CCNP: variants seen among roughly 807,000 people sequenced by gnomAD.
CCNP encodes the protein cyclin-P.
Under a neutral mutation model 19.6 loss-of-function variants are expected in CCNP, and 18 were observed. The ratio of observed to expected loss-of-function variants is 0.92; its 90% confidence interval spans 0.64 to 1.36. CCNP has a LOEUF of 1.36. CCNP is among the 40% of genes most tolerant of loss of function. The probability of loss-of-function intolerance (pLI) is 0.00; values close to 1 mark genes in which losing one functional copy is unlikely to be tolerated. For synonymous variants in CCNP, 228 were observed against 194.9 expected (o/e 1.17, Z -1.41); for missense variants, 440 against 424.4 (o/e 1.04, Z -0.32).
chr19:40,222,797 C>A lies in CCNP; in HGVS notation c.*255G>T. 1 of 448,702 alleles carries A rather than the reference C, an allele frequency of 2.2e-6. No individual in the cohort carries two copies. The highest frequency in any genetic ancestry group is 5.3e-5 in the South Asian group (1 of 18,860). 27.8% of individuals were successfully genotyped at this position (448,702 alleles called of 1,614,324 possible). A position where few individuals can be genotyped will look rare whatever the true frequency, so the allele number is the denominator to read the frequency against. On this transcript the variant is annotated 3_prime_UTR_variant, in exon 5 of 5. Coordinates refer to ENST00000430325, the MANE Select transcript of CCNP (RefSeq NM_024877.4). ...TGAGGGAAACCATGGTTCGCCCTGC[C>A]ACCTGGTAGCATGGTTAGCGGCCCT...
At position 40,226,617 on chromosome 19, in the gene CCNP, C is replaced by T. The variant is rs1028033399; in HGVS notation, c.25G>A (p.Gly9Arg). 1.3e-6 allele frequency: 2 copies of T among 1,578,850 alleles called. No homozygotes were observed. The highest frequency in any genetic ancestry group is 1.4e-5 in the African/African-American group (1 of 74,042). Reference protein sequence around the residue: MLVRGRDQGSGSRLGPIVR... With the variant: MLVRGRDQRSGSRLGPIVR... The stretch of plus-strand genomic sequence containing the variant: ...ATAGGCCCGAGCCGGGAGCCGGACC[C>T]CTGGTCCCTGCCTCTCACCAGCATC... Residue 9 changes from glycine (G) to arginine (R), a missense_variant, in exon 1 of 5, where the codon GGG becomes AGG. Physicochemically the swap from Gly to Arg is moderately radical, Grantham distance 125. Transcript: ENST00000430325.
chr19:40,224,807 C>T lies in CCNP; in HGVS notation c.272G>A (p.Cys91Tyr). 1 of 1,551,774 alleles carries T rather than the reference C, an allele frequency of 6.4e-7. No homozygotes were observed. Residue 91 changes from cysteine to tyrosine, a missense_variant, in exon 2 of 5, where the codon TGC (cysteine) becomes TAC (tyrosine). Cys to Tyr is a radical substitution (Grantham distance 194, BLOSUM62 -2). Coordinates refer to ENST00000430325, the MANE Select transcript of CCNP (RefSeq NM_024877.4). ...CAGGGCTCTCAGGGGCAGCACGCGG[C>T]ACACCTGGGGTTGGGGCAGGGACGC... The part of the protein sequence containing the change: ...AGDIFAEVMV[C>Y]RVLPLRALPR...
rs750021986 is a variant in CCNP at position 40,223,008 on chromosome 19, C to A, written c.*44G>T. Reference sequence around the variant, plus strand: ...ACTAATGGGGTCCTCCCACCCCATTCTCTCCCACACCCAGAAAAATCAAGT... The same window carrying A: ...ACTAATGGGGTCCTCCCACCCCATTATCTCCCACACCCAGAAAAATCAAGT... On this transcript the variant is annotated 3_prime_UTR_variant, in exon 5 of 5. Coordinates refer to ENST00000430325, the MANE Select transcript of CCNP (RefSeq NM_024877.4). 1.5e-5 allele frequency: 18 copies of A among 1,186,994 alleles called. No individual in the cohort carries two copies. The highest frequency in any genetic ancestry group is 2.2e-5 in the Non-Finnish European group (18 of 837,130). The allele number at this position is 1,186,994 out of a possible 1,614,324, so 73.5% of individuals were successfully genotyped here. A position where few individuals can be genotyped will look rare whatever the true frequency, so the allele number is the denominator to read the frequency against.
At chr19:40,224,848 T>A in intron 1 of CCNP, 37 bp from the exon 2 acceptor site, 1 of 1,510,336 alleles carries the variant, frequency 6.6e-7, no homozygotes, top group South Asian at 1.2e-5. Flanking sequence ...TCTCCACACC[T>A]GTGCCTCTGC....
chr19:40,224,816 G>A lies in CCNP; in HGVS notation c.268-5C>T. 6.4e-7 allele frequency: 1 copy of A among 1,550,654 alleles called. No homozygotes were observed. The highest frequency in any genetic ancestry group is 8.7e-7 in the Non-Finnish European group (1 of 1,146,430). ...CAGGGGCAGCACGCGGCACACCTGG[G>A]GTTGGGGCAGGGACGCTTCACTCTC... On this transcript the variant is annotated splice_region_variant and splice_polypyrimidine_tract_variant and intron_variant, in intron 1 of 4. Transcript: ENST00000430325.
At chr19:40,223,812 A>C (rs2145116018) in intron 3 of CCNP, among the ~76,000 whole-genome samples, 1 of 149,354 alleles carries the variant, frequency 6.7e-6, no homozygotes, top group Middle Eastern at 3.4e-3. Context: ...CGCCCCCCGT[A>C]AAACAGATAC....
Position 40,222,838 on chromosome 19 carries a change from AC to A in CCNP, c.*213del, listed in dbSNP as rs1204994270. On this transcript the variant is annotated 3_prime_UTR_variant, in exon 5 of 5. Transcript: ENST00000430325. The stretch of plus-strand genomic sequence containing the variant: ...TAGCGGCCCTAGCAGCTAAAGGAAC[AC>A]CCCATCCACCACCAGATACAGAGAT... 2 of 478,906 alleles carry A rather than the reference AC, an allele frequency of 4.2e-6. No individual in the cohort carries two copies. Among genetic ancestry groups the A allele is most frequent in the Non-Finnish European group, 7.3e-6 (2 of 272,280 alleles). The allele number at this position is 478,906 out of a possible 1,614,324, so 29.7% of individuals were successfully genotyped here.
intron 1 of CCNP, 104 bp downstream of exon 1, chr19:40,226,271 T>C (rs1973537282): frequency 2.0e-6 from 2 of 988,804 alleles, no homozygotes; most frequent in South Asian, 1.5e-5. Context: ...CTGCCAGTGA[T>C]AGGGAGGAGA....
At position 40,223,231 on chromosome 19, in the gene CCNP, G is replaced by T. The variant is rs1013081921; in HGVS notation, c.745C>A (p.Arg249Ser). ...EAEAAGWEPGRRAAAALSLAH... is the reference protein window; with the variant it reads ...EAEAAGWEPGSRAAAALSLAH... The stretch of plus-strand genomic sequence containing the variant: ...AGGCTCAGAGCCGCAGCCGCACGAC[G>T]ACCCGGCTCCCATCCCGCCGCCTCG... Residue 249 changes from arginine (R) to serine (S), a missense_variant, in exon 5 of 5, where the codon CGT becomes AGT. Physicochemically the swap from Arg to Ser is moderately radical, Grantham distance 110. Coordinates refer to ENST00000430325, the MANE Select transcript of CCNP (RefSeq NM_024877.4). 6.5e-7 allele frequency: 1 copy of T among 1,547,454 alleles called. No homozygotes were observed. The highest frequency in any genetic ancestry group is 1.2e-5 in the South Asian group (1 of 83,858).
In CCNP at chr19:40,222,759, T is replaced by A. The variant is rs1214840685; in HGVS notation, c.*293A>T. ...GGATGGGCAGCCATCCTCTCTATGC[T>A]GGGTGCACAGGCTGAGGGAAACCAT... On this transcript the variant is annotated 3_prime_UTR_variant, in exon 5 of 5. Transcript: ENST00000430325. The A allele has an allele frequency of 2.4e-6, 1 of 425,296 alleles. No individual in the cohort carries two copies. Among genetic ancestry groups the A allele is most frequent in the Admixed American group, 4.1e-5 (1 of 24,198 alleles). The allele number at this position is 425,296 out of a possible 1,614,324, so 26.3% of individuals were successfully genotyped here. A position where few individuals can be genotyped will look rare whatever the true frequency, so the allele number is the denominator to read the frequency against.
In CCNP at chr19:40,223,565, G is replaced by A. The variant is rs747371646; in HGVS notation, c.514-19C>T. On this transcript the variant is annotated intron_variant, in intron 3 of 4. Coordinates refer to ENST00000430325, the MANE Select transcript of CCNP (RefSeq NM_024877.4). ...AGGCGGGCTGCAGATGGGGGATGCG[G>A]GGGGAGGTGAAGGAGTCTTGGATCC... is the stretch of plus-strand genomic sequence containing the variant. The A allele has an allele frequency of 1.9e-6, 3 of 1,598,512 alleles. No individual in the cohort carries two copies. The highest frequency in any genetic ancestry group is 2.2e-5 in the South Asian group (2 of 89,784).
chr19:40,226,651 G>A lies in CCNP; in HGVS notation c.-10C>T, dbSNP rs1434906996. Reference sequence around the variant, plus strand: ...TGCCTCTCACCAGCATCCTCCAGGAGGGTGTTGCGGGCGAGGCCAAGCACC... The same window carrying A: ...TGCCTCTCACCAGCATCCTCCAGGAAGGTGTTGCGGGCGAGGCCAAGCACC... On this transcript the variant is annotated 5_prime_UTR_variant, in exon 1 of 5. Transcript: ENST00000430325. 4 of 1,556,488 alleles carry A rather than the reference G, an allele frequency of 2.6e-6. No homozygotes were observed. Among genetic ancestry groups the A allele is most frequent in the South Asian group, 2.4e-5 (2 of 83,392 alleles).
Position 40,226,440 on chromosome 19 carries a change from C to T in CCNP, c.202G>A (p.Ala68Thr). ...CCCTGCAGCCCCAGCGCGCTCAGCGCCTCCTCCAGCCCCGGCGGCCTCGCC... is the reference window on the plus strand; with the variant it reads ...CCCTGCAGCCCCAGCGCGCTCAGCGTCTCCTCCAGCCCCGGCGGCCTCGCC... ...RLARPPGLEE[A>T]LSALGLQGER... Residue 68 changes from alanine (A) to threonine (T), a missense_variant, in exon 1 of 5, where the codon GCG becomes ACG. Transcript: ENST00000430325. 1.2e-6 allele frequency: 2 copies of T among 1,608,956 alleles called. No homozygotes were observed. Among genetic ancestry groups the T allele is most frequent in the Non-Finnish European group, 8.5e-7 (1 of 1,179,394 alleles).
rs1973474588 is a variant in CCNP at position 40,223,131 on chromosome 19, C to A, written c.845G>T (p.Ser282Ile). 1 of 1,551,404 alleles carries A rather than the reference C, an allele frequency of 6.4e-7. No individual in the cohort carries two copies. Among genetic ancestry groups the A allele is most frequent in the African/African-American group, 1.4e-5 (1 of 73,010 alleles). ...CCTGAAGCTGCGGTGACCCCATACA[C>A]TTCCTCCGCCAAGACTACACCTGTA... is the stretch of plus-strand genomic sequence containing the variant. ...ELYRCSLGGG[S>I]VWGHRSFRDL... The change falls in exon 5 of 5, where the codon AGT (serine) becomes ATT (isoleucine). Residue 282 changes from serine (S) to isoleucine (I), a missense_variant. Transcript: ENST00000430325.
rs761268532 is a variant in CCNP, at chr19:40,226,590, C to G, written c.52G>C (p.Val18Leu). ...GAGGGCCTGGGGGCCCAGCGCCTAACGATAGGCCCGAGCCGGGAGCCGGAC... is the reference window on the plus strand; with the variant it reads ...GAGGGCCTGGGGGCCCAGCGCCTAAGGATAGGCCCGAGCCGGGAGCCGGAC... Reference protein sequence around the residue: ...QGSGSRLGPIVRRWAPRPSPL... With the variant: ...QGSGSRLGPILRRWAPRPSPL... Residue 18 changes from valine (V) to leucine (L), a missense_variant, in exon 1 of 5, where the codon GTT (valine) becomes CTT (leucine). Transcript: ENST00000430325. 1 of 1,578,020 alleles carries G rather than the reference C, an allele frequency of 6.3e-7. No individual in the cohort carries two copies. Among genetic ancestry groups the G allele is most frequent in the Admixed American group, 1.9e-5 (1 of 53,428 alleles).
chr19:40,225,243 G>A (rs988621668), intron 1 of CCNP, among the ~76,000 whole-genome samples: 1 of 151,946 alleles, frequency 6.6e-6, no homozygotes, highest in African/African-American at 2.4e-5. Flanking sequence ...TATTTTTGTA[G>A]AGACGGGGTT....
chr19:40,224,636 A>C lies in CCNP; in HGVS notation c.365T>G (p.Leu122Arg). 1 of 1,614,222 alleles carries C rather than the reference A, an allele frequency of 6.2e-7. No homozygotes were observed. Among genetic ancestry groups the C allele is most frequent in the East Asian group, 2.2e-5 (1 of 44,888 alleles). The change falls in exon 3 of 5, where the codon CTG becomes CGG. Residue 122 changes from leucine to arginine, a missense_variant. By Grantham distance (102) the Leu-to-Arg change is moderately radical (BLOSUM62 -2). Transcript: ENST00000430325. ...ATAAAGTGTGTCACCAGCCAGACCCAGGTACTCCTGAGGAGGGGCAAGGGT... is the reference window on the plus strand; with the variant it reads ...ATAAAGTGTGTCACCAGCCAGACCCCGGTACTCCTGAGGAGGGGCAAGGGT... The part of the protein sequence containing the change: ...VDWLVQVHEY[L>R]GLAGDTLYLA...
At position 40,223,305 on chromosome 19, in the gene CCNP, T is replaced by C. The variant is rs529720256; in HGVS notation, c.673-2A>G. ...GAAGTAGGTGGCAAGTAACATCACC[T>C]GCAAGTGAGGCGGGGCGACTGTCAG... On this transcript the variant is annotated splice_acceptor_variant, in intron 4 of 4. Coordinates refer to ENST00000430325, the MANE Select transcript of CCNP (RefSeq NM_024877.4). LOFTEE classifies it high-confidence loss of function. 7 of 1,515,296 alleles carry C rather than the reference T, an allele frequency of 4.6e-6. No individual in the cohort carries two copies. Among genetic ancestry groups the C allele is most frequent in the Non-Finnish European group, 6.2e-6 (7 of 1,127,498 alleles). The allele number at this position is 1,515,296 out of a possible 1,614,324, so 93.9% of individuals were successfully genotyped here.
Position 40,224,629 on chromosome 19 carries a change from C to A in CCNP, c.372G>T (p.Leu124=). 6.2e-7 allele frequency: 1 copy of A among 1,614,246 alleles called. No individual in the cohort carries two copies. Among genetic ancestry groups the A allele is most frequent in the African/African-American group, 1.3e-5 (1 of 75,062 alleles). The change falls in exon 3 of 5, where the codon CTG becomes CTT. Residue 124 remains leucine (L), a synonymous_variant. Coordinates refer to ENST00000430325, the MANE Select transcript of CCNP (RefSeq NM_024877.4). ...CCGCCAGATAAAGTGTGTCACCAGC[C>A]AGACCCAGGTACTCCTGAGGAGGGG... The part of the protein sequence containing the change: ...WLVQVHEYLG[L]AGDTLYLAVH...
Sources: gnomAD v4.1 joint callset for allele counts (sites outside exome capture counted in the v4.1 genomes callset) on GRCh38, gnomAD v4.1.1 for gene constraint, MANE v1.5 for transcripts, NCBI Gene and HGNC (gene_info 2026-07-23, HGNC 2026-07-21) for gene names.